Variants in LUZP2 observed in about 807,000 individuals in gnomAD.
LUZP2 encodes leucine zipper protein 2.
Under a neutral mutation model 51.6 loss-of-function variants are expected in LUZP2, and 52 were observed. The observed-to-expected ratio is 1.01, with a 90% CI of 0.81 to 1.27. LUZP2 has a LOEUF of 1.27. Ranked by LOEUF, LUZP2 falls within the 50% of genes most tolerant of loss-of-function variation. The probability of loss-of-function intolerance (pLI) is 0.00; values close to 1 mark genes in which losing one functional copy is unlikely to be tolerated. For synonymous variants in LUZP2, 154 were observed against 137.3 expected (o/e 1.12, Z -0.85); for missense variants, 436 against 395.4 (o/e 1.10, Z -0.87).
At chr11:24,906,897 A>G (rs1187003684) in intron 6 of LUZP2, among the ~76,000 whole-genome samples, 1 of 152,212 alleles carries the variant, frequency 6.6e-6, no homozygotes. Context: ...TTTAGCTGCA[A>G]TGAGAAAAGT....
At chr11:24,910,227 A>T (rs1853582198) in intron 6 of LUZP2, among the ~76,000 whole-genome samples, 1 of 152,144 alleles carries the variant, frequency 6.6e-6, no homozygotes, top group African/African-American at 2.4e-5. Flanking sequence ...AGTTTGGAAA[A>T]TTTGCATACT....
At chr11:24,879,722 T>G (rs891992242) in intron 5 of LUZP2, among the ~76,000 whole-genome samples, 1 of 152,196 alleles carries the variant, frequency 6.6e-6, no homozygotes, top group East Asian at 1.9e-4. Flanking sequence ...TGTTTTCTTT[T>G]GAGAAGTGTC....
chr11:24,719,962 G>A (rs1228892886), intron 1 of LUZP2, among the ~76,000 whole-genome samples: 3 of 152,092 alleles, frequency 2.0e-5, no homozygotes, highest in African/African-American at 7.2e-5. Flanking sequence ...GCAAATACAA[G>A]AATAAGCCCA....
chr11:24,837,477 A>G (rs1047210341), intron 5 of LUZP2, among the ~76,000 whole-genome samples: 8 of 151,728 alleles, frequency 5.3e-5, no homozygotes, highest in African/African-American at 1.9e-4. Context: ...TAACACTACA[A>G]TTTTATGAGA....
rs1053826631 is a variant in LUZP2 at position 25,012,053 on chromosome 11, A to G, written c.765+28760A>G. 5.3e-5 allele frequency among the ~76,000 whole-genome samples: 8 copies of G among 152,254 alleles called. No homozygotes were observed. The East Asian group carries it at 1.5e-3, about 29-fold the overall frequency. ...CTAACAAAATGGTTCATTTTTAGGA[A>G]AACACATACACTTATTTTTGTTGGT... On this transcript the variant is annotated intron_variant, in intron 9 of 11. Transcript: ENST00000336930.
chr11:24,566,919 G>A (rs1329478357), intron 1 of LUZP2, among the ~76,000 whole-genome samples: 3 of 141,914 alleles, frequency 2.1e-5, no homozygotes, highest in Non-Finnish European at 4.6e-5. Flanking sequence ...ATATATATAT[G>A]TATATATGTA....
intron 5 of LUZP2, among the ~76,000 whole-genome samples, chr11:24,896,096 T>C (rs916216210): frequency 3.3e-5 from 5 of 152,336 alleles, no homozygotes; most frequent in Admixed American, 1.3e-4. Flanking sequence ...ATTAGTGATG[T>C]TGAACATTTT....
chr11:24,777,088 G>A (rs1468500129), intron 5 of LUZP2, among the ~76,000 whole-genome samples: 2 of 149,250 alleles, frequency 1.3e-5, no homozygotes, highest in African/African-American at 2.5e-5. Flanking sequence ...TCAGCCTCCC[G>A]GGTTCATGCC....
chr11:24,980,381 A>C (rs1199420901), intron 8 of LUZP2, among the ~76,000 whole-genome samples: 1 of 151,778 alleles, frequency 6.6e-6, no homozygotes, highest in Non-Finnish European at 1.5e-5. Context: ...TTTCTTATAA[A>C]ATTTTCATAT....
chr11:24,849,079 A>G (rs778064870), intron 5 of LUZP2, among the ~76,000 whole-genome samples: 1 of 152,016 alleles, frequency 6.6e-6, no homozygotes, highest in Non-Finnish European at 1.5e-5. Flanking sequence ...GCATTTTTTC[A>G]TTTAAAAATA....
At chr11:24,990,382 T>C (rs1395982079) in intron 9 of LUZP2, among the ~76,000 whole-genome samples, 2 of 152,108 alleles carry the variant, frequency 1.3e-5, no homozygotes, top group African/African-American at 4.8e-5. Context: ...ACTGCTCCAT[T>C]TTGTTTTTCA....
At chr11:24,840,099 G>A (rs1402809413) in intron 5 of LUZP2, among the ~76,000 whole-genome samples, 1 of 151,758 alleles carries the variant, frequency 6.6e-6, no homozygotes, top group Non-Finnish European at 1.5e-5. Context: ...ACAATTCTCT[G>A]TATTTAAATG....
At chr11:24,941,164 G>A (rs1438809977) in intron 7 of LUZP2, among the ~76,000 whole-genome samples, 1 of 151,966 alleles carries the variant, frequency 6.6e-6, no homozygotes, top group Non-Finnish European at 1.5e-5. Flanking sequence ...AAGGTGCTAT[G>A]GCATCTAAAG....
intron 5 of LUZP2, among the ~76,000 whole-genome samples, chr11:24,814,532 T>A (rs1389212024): frequency 6.6e-6 from 1 of 152,228 alleles, no homozygotes; most frequent in Non-Finnish European, 1.5e-5. Context: ...AGAACAGCTC[T>A]TTTTCTTTAA....
chr11:24,626,876 A>G (rs570293004), intron 1 of LUZP2, among the ~76,000 whole-genome samples: 24 of 152,304 alleles, frequency 1.6e-4, no homozygotes, highest in African/African-American at 5.5e-4. Context: ...ATAGTCCAAA[A>G]TGGTATGTCA....
intron 1 of LUZP2, among the ~76,000 whole-genome samples, chr11:24,675,501 C>T (rs962766184): frequency 6.6e-6 from 1 of 152,036 alleles, no homozygotes; most frequent in African/African-American, 2.4e-5. Context: ...AATTAGCTTG[C>T]CATAGAGTAC....
intron 5 of LUZP2, among the ~76,000 whole-genome samples, chr11:24,834,250 C>T (rs1166036643): frequency 6.6e-6 from 1 of 152,088 alleles, no homozygotes; most frequent in Non-Finnish European, 1.5e-5. Flanking sequence ...CCCCTTGCCC[C>T]TCACCCCCCA....
chr11:24,670,300 C>A (rs1856361196), intron 1 of LUZP2, among the ~76,000 whole-genome samples: 2 of 151,994 alleles, frequency 1.3e-5, no homozygotes, highest in African/African-American at 4.8e-5. Context: ...ATTATTTTAT[C>A]TTTTCTTGTG....
chr11:24,996,775 C>T (rs1856515884), intron 9 of LUZP2, among the ~76,000 whole-genome samples: 1 of 151,998 alleles, frequency 6.6e-6, no homozygotes, highest in Admixed American at 6.6e-5. Flanking sequence ...CCCCTCTCCC[C>T]ACCCCACAAC....
Sources: allele counts gnomAD v4.1 joint callset (sites outside exome capture counted in the v4.1 genomes callset), GRCh38; gene constraint gnomAD v4.1.1; transcripts MANE v1.5; gene names NCBI Gene and HGNC (gene_info 2026-07-23, HGNC 2026-07-21).